The following BATF variants were observed in gnomAD, a reference collection of about 807,000 sequenced individuals.
BATF encodes basic leucine zipper transcriptional factor ATF-like.
In BATF, 5 loss-of-function variants were observed where a neutral mutation model predicts 13.7. The ratio of observed to expected loss-of-function variants is 0.36; its 90% CI spans 0.19 to 0.77. The LOEUF (loss-of-function observed/expected upper bound fraction) is 0.77. BATF is among the 30% of genes least tolerant of loss of function. The pLI, the probability that BATF is intolerant of heterozygous loss-of-function variation, is 0.51. For missense variants in BATF, 124 were observed against 163.0 expected (o/e 0.76, Z 1.30); for synonymous variants, 72 against 67.5 (o/e 1.07, Z -0.33).
At chr14:75,530,366 G>T (rs1297945185) in intron 2 of BATF, among the ~76,000 whole-genome samples, 1 of 152,194 alleles carries the variant, frequency 6.6e-6, no homozygotes, top group Non-Finnish European at 1.5e-5. Flanking sequence ...CTGCGACTCA[G>T]CAATTTGACA....
At position 75,522,630 on chromosome 14, in the gene BATF, AG is replaced by A; in HGVS notation, c.-52del. On this transcript the variant is annotated 5_prime_UTR_variant, in exon 1 of 3. Transcript: ENST00000286639. ...CAGGAAGGGAGCCCAGCTGGTGACA[AG>A]AGAGCCCAGAGGTGCCTGGGGCTGA... The A allele has an allele frequency of 6.2e-7, 1 of 1,609,470 alleles. No individual in the cohort carries two copies. The highest frequency in any genetic ancestry group is 8.5e-7 in the Non-Finnish European group (1 of 1,175,876).
At chr14:75,532,118 C>T (rs553368557) in intron 2 of BATF, among the ~76,000 whole-genome samples, 10 of 152,278 alleles carry the variant, frequency 6.6e-5, no homozygotes, top group African/African-American at 2.4e-4. Flanking sequence ...TTTATAATTC[C>T]TTGCATTAAG....
At chr14:75,534,983 T>C (rs1330257332) in intron 2 of BATF, among the ~76,000 whole-genome samples, 1 of 152,218 alleles carries the variant, frequency 6.6e-6, no homozygotes, top group Non-Finnish European at 1.5e-5. Context: ...TTTAAGTAAA[T>C]TGTGGATAAT....
At chr14:75,532,673 T>G (rs1887754379) in intron 2 of BATF, among the ~76,000 whole-genome samples, 1 of 152,198 alleles carries the variant, frequency 6.6e-6, no homozygotes, top group South Asian at 2.1e-4. Context: ...ACAGGGGGCT[T>G]ACAACAGAAG....
Position 75,523,208 on chromosome 14 carries a change from T to TA in BATF, c.63+478dup, listed in dbSNP as rs60531963. On this transcript the variant is annotated intron_variant, in intron 1 of 2. Transcript: ENST00000286639. ...GGGAGAAAAGGGGTTAGGGAAAAGT[T>TA]AAAAAAAAAAAAAAAGAAGAAGAAG... Among the ~76,000 whole-genome samples the TA allele has an allele frequency of 4.1e-3, 564 of 139,186 alleles. 4 individuals are homozygous for TA. The highest frequency in any genetic ancestry group is 0.011 in the African/African-American group (429 of 37,696). 91.3% of individuals were successfully genotyped at this position (139,186 alleles called of 152,430 possible).
At chr14:75,524,708 C>T (rs74319009) in intron 1 of BATF, among the ~76,000 whole-genome samples, 2,808 of 151,716 alleles carry the variant, frequency 0.019, 99 homozygotes, top group African/African-American at 0.064. Flanking sequence ...AAAAGAACAG[C>T]AAGAAGAGCC....
At chr14:75,530,697 C>G (rs1381512647) in intron 2 of BATF, among the ~76,000 whole-genome samples, 1 of 152,042 alleles carries the variant, frequency 6.6e-6, no homozygotes, top group African/African-American at 2.4e-5. Context: ...TTTTTAGAGA[C>G]AGGGTCTCAC....
chr14:75,531,768 G>A (rs1887737693), intron 2 of BATF, among the ~76,000 whole-genome samples: 1 of 152,274 alleles, frequency 6.6e-6, no homozygotes, highest in South Asian at 2.1e-4. Context: ...AAGATGTTTG[G>A]GTAGCACTAT....
chr14:75,539,925 G>C (rs1005297182), intron 2 of BATF, among the ~76,000 whole-genome samples: 1 of 152,114 alleles, frequency 6.6e-6, no homozygotes, highest in Admixed American at 6.5e-5. Context: ...TGCATGTGAC[G>C]TACAGGGGCT....
In BATF at chr14:75,526,694, C is replaced by T. The variant is rs147982661; in HGVS notation, c.168+1506C>T. Among the ~76,000 whole-genome samples, 7 of 152,342 alleles carry T rather than the reference C, an allele frequency of 4.6e-5. No individual in the cohort carries two copies. In the East Asian group the frequency reaches 9.6e-4, roughly 21 times the overall value. ...AGAATGAATGAACAGAAAGTCTGTA[C>T]TAACTGTGCTCAACAGTCTGAATGT... On this transcript the variant is annotated intron_variant, in intron 2 of 2. Coordinates refer to ENST00000286639, the MANE Select transcript of BATF (RefSeq NM_006399.5).
chr14:75,541,263 G>C (rs953626138), intron 2 of BATF, among the ~76,000 whole-genome samples: 1 of 152,202 alleles, frequency 6.6e-6, no homozygotes, highest in African/African-American at 2.4e-5. Flanking sequence ...CCAGTGTGTG[G>C]ATGAGGTTGA....
chr14:75,541,378 T>G (rs942442737), intron 2 of BATF, among the ~76,000 whole-genome samples: 2 of 152,202 alleles, frequency 1.3e-5, no homozygotes, highest in African/African-American at 4.8e-5. Flanking sequence ...AGGGCCCAAG[T>G]TCCTATTCCC....
At chr14:75,529,213 A>G (rs1421241880) in intron 2 of BATF, among the ~76,000 whole-genome samples, 1 of 152,268 alleles carries the variant, frequency 6.6e-6, no homozygotes, top group Admixed American at 6.5e-5. Flanking sequence ...AGTGAAACAC[A>G]AATACAGAAA....
chr14:75,527,052 A>G lies in BATF; in HGVS notation c.168+1864A>G, dbSNP rs535258113. On this transcript the variant is annotated intron_variant, in intron 2 of 2. Transcript: ENST00000286639. ...TTGAATCCCAGCCCTGCTGCCTACT[A>G]TCTGTGTGACAGAGACGTTCTTGGC... Among the ~76,000 whole-genome samples the G allele has an allele frequency of 2.6e-5, 4 of 152,306 alleles. No individual in the cohort carries two copies. The South Asian group carries it at 8.3e-4, about 32-fold the overall frequency.
At chr14:75,535,875 C>T (rs1016308819) in intron 2 of BATF, among the ~76,000 whole-genome samples, 6 of 152,038 alleles carry the variant, frequency 3.9e-5, no homozygotes, top group South Asian at 4.2e-4. Flanking sequence ...AACTGAGGAC[C>T]CTGTAACTAA....
intron 1 of BATF, among the ~76,000 whole-genome samples, chr14:75,523,706 C>T (rs1484815375): frequency 1.3e-5 from 2 of 152,162 alleles, no homozygotes; most frequent in Admixed American, 1.3e-4. Flanking sequence ...TTCATTCTTT[C>T]CTTAGCACAG....
chr14:75,534,684 A>T (rs950160685), intron 2 of BATF, among the ~76,000 whole-genome samples: 2 of 152,264 alleles, frequency 1.3e-5, no homozygotes, highest in African/African-American at 4.8e-5. Context: ...GCAACAAGTA[A>T]ATTATTTAAA....
At chr14:75,543,376 A>T (rs1732058450) in intron 2 of BATF, among the ~76,000 whole-genome samples, 1 of 152,132 alleles carries the variant, frequency 6.6e-6, no homozygotes, top group African/African-American at 2.4e-5. Context: ...GAGGCTGAGC[A>T]TGCTTGTGTC....
chr14:75,539,945 T>C (rs1485998527), intron 2 of BATF, among the ~76,000 whole-genome samples: 1 of 152,096 alleles, frequency 6.6e-6, no homozygotes, highest in East Asian at 1.9e-4. Context: ...TGGTAACTGA[T>C]GGAGCCTGAA....
Sources: gnomAD v4.1 joint callset for allele counts (sites outside exome capture counted in the v4.1 genomes callset) on GRCh38, gnomAD v4.1.1 for gene constraint, MANE v1.5 for transcripts, NCBI Gene and HGNC (gene_info 2026-07-23, HGNC 2026-07-21) for gene names.